The following THADA variants were observed in gnomAD, a reference collection of about 807,000 sequenced individuals.
THADA encodes THADA armadillo repeat containing.
THADA carries 213 observed loss-of-function variants against 219.8 expected under a neutral mutation model. The observed-to-expected ratio is 0.97, with a 90% CI of 0.87 to 1.09. The LOEUF is 1.09. THADA is among the 50% of genes least tolerant of loss of function. The pLI, the probability that THADA is intolerant of heterozygous loss-of-function variation, is 0.00. For missense variants in THADA, 2,956 were observed against 2,311.3 expected, an observed-to-expected ratio of 1.28 and a Z score of -5.72; for synonymous variants, 1,018 against 828.9, an observed-to-expected ratio of 1.23 and a Z score of -3.92.
At chr2:43,405,923 T>C (rs1025970524) in intron 28 of THADA, among the ~76,000 whole-genome samples, 4 of 152,176 alleles carry the variant, frequency 2.6e-5, no homozygotes, top group Non-Finnish European at 5.9e-5. Flanking sequence ...ATCTGAAAAC[T>C]GTAGTGTGTG....
intron 28 of THADA, among the ~76,000 whole-genome samples, chr2:43,401,900 C>T (rs551702199): frequency 3.8e-4 from 58 of 151,424 alleles, no homozygotes; most frequent in African/African-American, 1.4e-3. Context: ...CTGTAATTTA[C>T]ACATATTTGG....
chr2:43,291,220 C>A (rs1214373221), intron 34 of THADA, among the ~76,000 whole-genome samples: 1 of 151,606 alleles, frequency 6.6e-6, no homozygotes, highest in East Asian at 1.9e-4. Context: ...GAGGCCGAGG[C>A]GGGTGGATCA....
chr2:43,266,100 G>A (rs1021039735), intron 36 of THADA, among the ~76,000 whole-genome samples: 1 of 152,044 alleles, frequency 6.6e-6, no homozygotes, highest in Non-Finnish European at 1.5e-5. Flanking sequence ...GGGTTGCCTG[G>A]GGAGCCCTTA....
intron 29 of THADA, among the ~76,000 whole-genome samples, chr2:43,365,092 A>G (rs1385788396): frequency 2.0e-5 from 3 of 151,406 alleles, no homozygotes; most frequent in Non-Finnish European, 2.9e-5. Context: ...TGCCTGGCTA[A>G]TTTTGTATTT....
At position 43,578,512 on chromosome 2, in the gene THADA, C is replaced by T. The variant is rs1434788915; in HGVS notation, c.816+1G>A. The stretch of plus-strand genomic sequence containing the variant: ...CAATTCTAAAAAGGAGATGCACTTA[C>T]CAAATGAGGAATCTTTTCAGACGGG... On this transcript the variant is annotated splice_donor_variant, in intron 9 of 37. Transcript: ENST00000405975. LOFTEE classifies it high-confidence loss of function. The T allele has an allele frequency of 1.2e-6, 2 of 1,603,814 alleles. No homozygotes were observed. The highest frequency in any genetic ancestry group is 2.2e-5 in the East Asian group (1 of 44,790).
At chr2:43,399,263 G>A (rs984816671) in intron 28 of THADA, among the ~76,000 whole-genome samples, 3 of 152,196 alleles carry the variant, frequency 2.0e-5, no homozygotes, top group Admixed American at 6.5e-5. Context: ...TCAGAAGACG[G>A]TAGACTCTGT....
intron 16 of THADA, among the ~76,000 whole-genome samples, chr2:43,556,823 G>A (rs1041527485): frequency 3.9e-5 from 6 of 152,072 alleles, no homozygotes; most frequent in Non-Finnish European, 8.8e-5. Context: ...CCATCACTTT[G>A]GAAGGCCAAG....
intron 29 of THADA, among the ~76,000 whole-genome samples, chr2:43,356,475 C>T (rs143741167): frequency 6.6e-6 from 1 of 152,020 alleles, no homozygotes; most frequent in South Asian, 2.1e-4. Flanking sequence ...ATAGCAAAAA[C>T]TACTATGAAG....
chr2:43,241,042 C>T (rs2104061020), intron 36 of THADA, among the ~76,000 whole-genome samples: 1 of 152,202 alleles, frequency 6.6e-6, no homozygotes, highest in African/African-American at 2.4e-5. Context: ...GATATTAAGT[C>T]TGGGGGGAAT....
chr2:43,575,496 T>C (rs1029485974), intron 10 of THADA, among the ~76,000 whole-genome samples: 1 of 152,134 alleles, frequency 6.6e-6, no homozygotes, highest in African/African-American at 2.4e-5. Context: ...TGGGGGATGA[T>C]GGAAATATTC....
At chr2:43,296,121 T>C (rs995924734) in intron 31 of THADA, among the ~76,000 whole-genome samples, 2 of 151,876 alleles carry the variant, frequency 1.3e-5, no homozygotes, top group South Asian at 4.2e-4. Context: ...GGTTTTGCCA[T>C]GCTGGACAGG....
intron 31 of THADA, among the ~76,000 whole-genome samples, chr2:43,319,796 T>C (rs536603408): frequency 3.3e-5 from 5 of 152,312 alleles, no homozygotes; most frequent in African/African-American, 9.6e-5. Flanking sequence ...GAAAATCAGT[T>C]TCAGTCCGTG....
intron 26 of THADA, among the ~76,000 whole-genome samples, chr2:43,469,307 G>A (rs1031132711): frequency 3.9e-5 from 6 of 152,156 alleles, no homozygotes; most frequent in African/African-American, 7.2e-5. Context: ...GCCAGCAGGG[G>A]CTTAATAAAT....
chr2:43,510,816 C>A (rs1399729343), intron 22 of THADA, among the ~76,000 whole-genome samples: 5 of 151,400 alleles, frequency 3.3e-5, no homozygotes, highest in Admixed American at 1.3e-4. Flanking sequence ...ACTAAAAATA[C>A]AAAAATTAGC....
chr2:43,258,131 G>A (rs773280044), intron 36 of THADA, among the ~76,000 whole-genome samples: 5 of 152,156 alleles, frequency 3.3e-5, no homozygotes, highest in African/African-American at 1.2e-4. Flanking sequence ...GATTAAATGC[G>A]AGACACTGAG....
At chr2:43,499,080 A>T in intron 24 of THADA, 125 bp from the exon 25 acceptor site, 1 of 1,022,326 alleles carries the variant, frequency 9.8e-7, no homozygotes, top group Non-Finnish European at 1.4e-6. Context: ...GATAATCCGC[A>T]AATGAAATAG....
rs111291504 is a variant in THADA at position 43,392,776 on chromosome 2, T to C, written c.4227+5195A>G. Among the ~76,000 whole-genome samples, 566 of 152,284 alleles carry C rather than the reference T, an allele frequency of 3.7e-3. 4 individuals carry two copies. The highest frequency in any genetic ancestry group is 3.5e-3 in the Non-Finnish European group (238 of 68,026). On this transcript the variant is annotated intron_variant, in intron 29 of 37. Coordinates refer to ENST00000405975, the MANE Select transcript of THADA (RefSeq NM_022065.5). Reference sequence around the variant, plus strand: ...GTATCTTCTGTCTCCTCTTCATTTCTGTTACTCATATGATCCCTGGTCCCC... The same window carrying C: ...GTATCTTCTGTCTCCTCTTCATTTCCGTTACTCATATGATCCCTGGTCCCC...
At chr2:43,459,700 T>A (rs1312900446) in intron 26 of THADA, among the ~76,000 whole-genome samples, 1 of 152,192 alleles carries the variant, frequency 6.6e-6, no homozygotes, top group Admixed American at 6.5e-5. Flanking sequence ...TGTGTGAATG[T>A]GAGGGACTGA....
chr2:43,347,926 G>C (rs1345159220), intron 29 of THADA, among the ~76,000 whole-genome samples: 1 of 152,164 alleles, frequency 6.6e-6, no homozygotes, highest in Non-Finnish European at 1.5e-5. Flanking sequence ...TTTCTTCAGA[G>C]AGTGCTGTTG....
Sources: allele counts gnomAD v4.1 joint callset (sites outside exome capture counted in the v4.1 genomes callset), GRCh38; gene constraint gnomAD v4.1.1; transcripts MANE v1.5; gene names NCBI Gene and HGNC (gene_info 2026-07-23, HGNC 2026-07-21).